Variants in SDK2 observed in about 807,000 individuals in gnomAD.
SDK2 encodes the protein sidekick cell adhesion molecule 2.
Under a neutral mutation model 253.9 loss-of-function variants are expected in SDK2, and 105 were observed. The observed-to-expected ratio is 0.41, with a 90% CI of 0.35 to 0.49. The LOEUF is 0.49. SDK2 is among the 20% of genes least tolerant of loss of function. The probability of loss-of-function intolerance (pLI) is 0.06; values close to 1 mark genes in which losing one functional copy is unlikely to be tolerated. For synonymous variants in SDK2, 1,249 were observed against 1,234.9 expected (o/e 1.01, Z -0.24); for missense variants, 2,608 against 3,003.0 (o/e 0.87, Z 3.07).
intron 2 of SDK2, 96 bp downstream of exon 2, chr17:73,507,342 C>T: frequency 7.5e-7 from 1 of 1,333,848 alleles, no homozygotes; most frequent in Non-Finnish European, 1.0e-6. Flanking sequence ...GCCCTGAGCC[C>T]CACACTGTCA....
intron 2 of SDK2, among the ~76,000 whole-genome samples, chr17:73,475,469 C>T (rs1050071939): frequency 6.6e-6 from 1 of 152,242 alleles, no homozygotes; most frequent in African/African-American, 2.4e-5. Context: ...CTTTTAGATA[C>T]ACTAGCAACT....
intron 1 of SDK2, among the ~76,000 whole-genome samples, chr17:73,635,459 CT>C (rs1201878271): frequency 6.6e-6 from 1 of 152,084 alleles, no homozygotes; most frequent in Non-Finnish European, 1.5e-5. Flanking sequence ...TATTTTTGAC[CT>C]TTACTCAGAT....
At position 73,642,223 on chromosome 17, in the gene SDK2, C is replaced by G. The variant is rs1300281603; in HGVS notation, c.64+1802G>C. On this transcript the variant is annotated intron_variant, in intron 1 of 44. Coordinates refer to ENST00000392650, the MANE Select transcript of SDK2 (RefSeq NM_001144952.2). This position sits in a 1 kb window ranked among gnomAD's most constrained non-coding sequence, Gnocchi z 4.7. ...GGGCAGGAAGGGACACATGAAGACC[C>G]CAAAGCAAGGGCCATCAGGTGCCCT... Among the ~76,000 whole-genome samples the G allele has an allele frequency of 6.6e-6, 1 of 152,222 alleles. No individual in the cohort carries two copies. Among genetic ancestry groups the G allele is most frequent in the South Asian group, 2.1e-4 (1 of 4,820 alleles).
intron 1 of SDK2, among the ~76,000 whole-genome samples, chr17:73,565,135 C>T (rs1018471823): frequency 6.6e-6 from 1 of 152,224 alleles, no homozygotes; most frequent in African/African-American, 2.4e-5. Flanking sequence ...CTGGCTTAAA[C>T]AACTAGAGGA....
chr17:73,424,935 A>G (rs1415445354), intron 12 of SDK2, among the ~76,000 whole-genome samples: 7 of 152,228 alleles, frequency 4.6e-5, no homozygotes, highest in Admixed American at 4.6e-4. Flanking sequence ...CAAAAGCAGA[A>G]CCAGGCTGGG....
rs772493100 is a variant in SDK2 at position 73,433,761 on chromosome 17, G to A, written c.1283C>T (p.Ala428Val). The A allele has an allele frequency of 1.6e-5, 26 of 1,607,430 alleles. No homozygotes were observed. Among genetic ancestry groups the A allele is most frequent in the East Asian group, 4.5e-5 (2 of 44,682 alleles). ...SVVLACETSGAPRPAITWQKG... is the reference protein window; with the variant it reads ...SVVLACETSGVPRPAITWQKG... ...CTGCCAAGTGATAGCTGGTCGGGGC[G>A]CCCCCGAGGTCTCACATGCTAGCAC... is the stretch of plus-strand genomic sequence containing the variant. The change falls in exon 10 of 45, where the codon GCG (alanine) becomes GTG (valine). Residue 428 changes from alanine to valine, a missense_variant. By Grantham distance (64) the Ala-to-Val change is moderately conservative. Coordinates refer to ENST00000392650, the MANE Select transcript of SDK2 (RefSeq NM_001144952.2).
intron 40 of SDK2, chr17:73,357,297 C>T (rs1124529): frequency 0.51 from 77,480 of 152,288 alleles, 19,776 homozygotes; most frequent in Admixed American, 0.53. Flanking sequence ...ATTAGAAGTA[C>T]TAGCTACCGA....
chr17:73,607,351 G>A (rs1269259666), intron 1 of SDK2, among the ~76,000 whole-genome samples: 1 of 152,044 alleles, frequency 6.6e-6, no homozygotes, highest in Non-Finnish European at 1.5e-5. Flanking sequence ...TGGCCTGAGA[G>A]CAGGGAGAGG....
intron 2 of SDK2, among the ~76,000 whole-genome samples, chr17:73,486,847 G>A (rs776240351): frequency 3.9e-5 from 6 of 152,210 alleles, no homozygotes; most frequent in South Asian, 4.1e-4. Context: ...GTGGGCTGGC[G>A]GTTCAAAACA....
In SDK2 at chr17:73,352,787, GT is replaced by G. The variant is rs1307431205; in HGVS notation, c.5594-151del. The G allele has an allele frequency of 1.2e-6, 1 of 837,086 alleles. No individual in the cohort carries two copies. Among genetic ancestry groups the G allele is most frequent in the Non-Finnish European group, 1.8e-6 (1 of 546,152 alleles). The allele number at this position is 837,086 out of a possible 1,614,324, so 51.9% of individuals were successfully genotyped here. Reference sequence around the variant, plus strand: ...TCGCAGGCCTTGGTCCTCCCTTGAAGTTTCTTAAAAAGACAACTTTCGGGCC... The same window carrying G: ...TCGCAGGCCTTGGTCCTCCCTTGAAGTTCTTAAAAAGACAACTTTCGGGCC... On this transcript the variant is annotated intron_variant, in intron 40 of 44. Coordinates refer to ENST00000392650, the MANE Select transcript of SDK2 (RefSeq NM_001144952.2). This position sits in a 1 kb window ranked among gnomAD's most constrained non-coding sequence, Gnocchi z 4.1.
chr17:73,368,361 CCCGTGG>C, intron 37 of SDK2, 40 bp downstream of exon 37: 1 of 1,392,762 alleles, frequency 7.2e-7, no homozygotes, highest in Non-Finnish European at 9.4e-7. Context: ...CTTGCAACCC[CCCGTGG>C]CCGACCTACC....
chr17:73,403,177 C>T (rs978110013), intron 18 of SDK2, among the ~76,000 whole-genome samples: 14 of 152,204 alleles, frequency 9.2e-5, no homozygotes, highest in Admixed American at 7.9e-4. Context: ...TCTGGGATTC[C>T]AAGCCCTGAG....
intron 32 of SDK2, among the ~76,000 whole-genome samples, chr17:73,385,024 TG>T (rs1159499130): frequency 2.6e-5 from 4 of 152,208 alleles, no homozygotes; most frequent in Non-Finnish European, 5.9e-5. Flanking sequence ...TGTCTCAGGC[TG>T]GGGGGACCCT....
At chr17:73,430,654 G>A (rs1167975242) in intron 11 of SDK2, 41 bp from the exon 12 acceptor site, 5 of 1,384,154 alleles carry the variant, frequency 3.6e-6, no homozygotes, top group Non-Finnish European at 4.8e-6. Flanking sequence ...GAAGAGGTGT[G>A]GGGGCTGTGT....
In SDK2 at chr17:73,414,730, C is replaced by T. The variant is rs141611857; in HGVS notation, c.2398G>A (p.Ala800Thr). Reference protein sequence around the residue: ...VPTVPPGNVHAEATNSTTIRF... With the variant: ...VPTVPPGNVHTEATNSTTIRF... The stretch of plus-strand genomic sequence containing the variant: ...ATGGTCGTGGAATTGGTGGCTTCCG[C>T]GTGCACATTGCCCGGAGGGACCGTG... The change falls in exon 18 of 45, where the codon GCG becomes ACG. Residue 800 changes from alanine (A) to threonine (T), a missense_variant. Around this residue, in one of 2 missense-constraint regions of SDK2, gnomAD observed 1,505 missense variants for 1,859.1 expected, o/e 0.81. Coordinates refer to ENST00000392650, the MANE Select transcript of SDK2 (RefSeq NM_001144952.2). 165 of 1,613,640 alleles carry T rather than the reference C, an allele frequency of 1.0e-4. No individual in the cohort carries two copies. Among genetic ancestry groups the T allele is most frequent in the Non-Finnish European group, 1.3e-4 (152 of 1,179,804 alleles).
At chr17:73,409,249 G>A (rs941707287) in intron 18 of SDK2, among the ~76,000 whole-genome samples, 2 of 152,214 alleles carry the variant, frequency 1.3e-5, no homozygotes, top group Non-Finnish European at 2.9e-5. Context: ...GGGAGGCCAA[G>A]GTGGGTGGAT....
At chr17:73,469,670 TC>T (rs904946833) in intron 3 of SDK2, among the ~76,000 whole-genome samples, 27 of 151,692 alleles carry the variant, frequency 1.8e-4, no homozygotes, top group Admixed American at 1.6e-3. Context: ...TGGAGGGAGT[TC>T]CCCCCACCCT....
In SDK2 at chr17:73,472,158, G is replaced by T; in HGVS notation, c.285C>A (p.Asn95Lys). The T allele has an allele frequency of 6.4e-7, 1 of 1,551,660 alleles. No individual in the cohort carries two copies. The highest frequency in any genetic ancestry group is 8.7e-7 in the Non-Finnish European group (1 of 1,146,990). The stretch of plus-strand genomic sequence containing the variant: ...GCCGCTGCAGCAGGGCCCCCATTCG[G>T]TTCCGCACGATGCAACGGTAAAAGC... Reference protein sequence around the residue: ...HAGFYRCIVRNRMGALLQRQT... With the variant: ...HAGFYRCIVRKRMGALLQRQT... The change falls in exon 3 of 45, where the codon AAC (asparagine) becomes AAA (lysine). Residue 95 changes from asparagine to lysine, a missense_variant. Around this residue, in one of 2 missense-constraint regions of SDK2, gnomAD observed 1,505 missense variants for 1,859.1 expected, o/e 0.81. Coordinates refer to ENST00000392650, the MANE Select transcript of SDK2 (RefSeq NM_001144952.2).
intron 1 of SDK2, among the ~76,000 whole-genome samples, chr17:73,569,477 C>T (rs577282924): frequency 1.3e-5 from 2 of 151,932 alleles, no homozygotes; most frequent in Non-Finnish European, 2.9e-5. Flanking sequence ...GGATTACAGG[C>T]GTGAGGCACC....
Sources: allele counts gnomAD v4.1 joint callset (sites outside exome capture counted in the v4.1 genomes callset), GRCh38; gene constraint gnomAD v4.1.1; regional missense constraint gnomAD v4.1.1; non-coding constraint Gnocchi (gnomAD v3.1); transcripts MANE v1.5; gene names NCBI Gene and HGNC (gene_info 2026-07-23, HGNC 2026-07-21).